NCKAP5: variants seen among roughly 807,000 people sequenced by gnomAD.
NCKAP5 encodes the protein nck-associated protein 5.
NCKAP5 carries 92 observed loss-of-function variants against 167.0 expected under a neutral mutation model. The ratio of observed to expected loss-of-function variants is 0.55; its 90% CI spans 0.47 to 0.66. The LOEUF (loss-of-function observed/expected upper bound fraction) is 0.66. NCKAP5 is among the 30% of genes least tolerant of loss of function. The probability of loss-of-function intolerance (pLI) is 0.00; values close to 1 mark genes in which losing one functional copy is unlikely to be tolerated. For missense variants in NCKAP5, 2,378 were observed against 2,315.0 expected (o/e 1.03, Z -0.56); for synonymous variants, 891 against 877.4 (o/e 1.02, Z -0.27).
intron 3 of NCKAP5, among the ~76,000 whole-genome samples, chr2:133,474,808 T>G (rs79746895): frequency 0.045 from 6,808 of 151,964 alleles, 198 homozygotes; most frequent in Middle Eastern, 0.071. Flanking sequence ...GGGTTTTTTT[T>G]TTGTTGTTGT....
chr2:133,584,994 G>GAAGGAAGGAAGGAAGGA, the NCKAP5 span, among the ~76,000 whole-genome samples: 1 of 148,788 alleles, frequency 6.7e-6, no homozygotes, highest in Non-Finnish European at 1.5e-5. Flanking sequence ...AGGAAGGAAG[G>GAAGGAAGGAAGGAAGGA]AGGGAAAGAA....
At chr2:133,577,960 G>A in the NCKAP5 span, among the ~76,000 whole-genome samples, 1 of 152,274 alleles carries the variant, frequency 6.6e-6, no homozygotes. Context: ...AGACGACCCA[G>A]CTCCAGCACT....
intron 8 of NCKAP5, among the ~76,000 whole-genome samples, chr2:132,923,529 TG>T (rs537985941): frequency 2.6e-5 from 4 of 152,222 alleles, no homozygotes; most frequent in Non-Finnish European, 4.4e-5. Flanking sequence ...CATTTCTTAA[TG>T]GTACAGTTCT....
intron 5 of NCKAP5, among the ~76,000 whole-genome samples, chr2:133,142,469 T>C (rs2083037411): frequency 6.6e-6 from 1 of 152,120 alleles, no homozygotes; most frequent in Non-Finnish European, 1.5e-5. Context: ...TTTATGTGAG[T>C]GTCAGAAATT....
chr2:132,701,083 T>C (rs1204811664), intron 19 of NCKAP5, among the ~76,000 whole-genome samples: 5 of 151,756 alleles, frequency 3.3e-5, no homozygotes, highest in African/African-American at 1.2e-4. Flanking sequence ...GTATTACATA[T>C]ATAAATATAA....
chr2:133,459,976 T>C (rs2151228025), intron 3 of NCKAP5, among the ~76,000 whole-genome samples: 1 of 152,288 alleles, frequency 6.6e-6, no homozygotes, highest in East Asian at 1.9e-4. Flanking sequence ...TTCAAAGACT[T>C]ACGTGCAAAA....
chr2:133,216,936 G>A (rs1008971269), intron 4 of NCKAP5, among the ~76,000 whole-genome samples: 11 of 152,014 alleles, frequency 7.2e-5, no homozygotes, highest in Admixed American at 3.3e-4. Context: ...AAAAAACTTC[G>A]CAAAACATGT....
intron 3 of NCKAP5, among the ~76,000 whole-genome samples, chr2:133,429,503 T>C (rs890291037): frequency 2.0e-5 from 3 of 152,106 alleles, no homozygotes; most frequent in Non-Finnish European, 4.4e-5. Flanking sequence ...CAAGGTCTAC[T>C]GTTCCCAGCT....
chr2:133,009,071 A>C (rs1381403433), intron 6 of NCKAP5, among the ~76,000 whole-genome samples: 3 of 152,164 alleles, frequency 2.0e-5, no homozygotes, highest in Non-Finnish European at 4.4e-5. Flanking sequence ...GAACATTTGC[A>C]GGAAGACACT....
intron 8 of NCKAP5, among the ~76,000 whole-genome samples, chr2:132,943,208 T>C (rs1036427560): frequency 7.9e-5 from 12 of 152,352 alleles, no homozygotes; most frequent in African/African-American, 2.9e-4. Context: ...TTTCTCCCTA[T>C]CTTTCCATTC....
At chr2:132,884,439 G>C (rs1692049504) in intron 8 of NCKAP5, among the ~76,000 whole-genome samples, 1 of 152,158 alleles carries the variant, frequency 6.6e-6, no homozygotes, top group Non-Finnish European at 1.5e-5. Context: ...GGAAGAGCAG[G>C]CTCCGGTTCC....
At position 132,781,037 on chromosome 2, in the gene NCKAP5, T is replaced by C. The variant is rs74475083; in HGVS notation, c.5049+15A>G. The C allele has an allele frequency of 4.5e-4, 729 of 1,611,490 alleles. 3 individuals are homozygous for C. In the African/African-American group the frequency reaches 8.4e-3, roughly 19 times the overall value. ...CAGATTGTAGCACTTGATACCAGGA[T>C]GGTGGAGCACTTACCAGGGAGTCTT... On this transcript the variant is annotated intron_variant, in intron 15 of 19. Transcript: ENST00000409261.
intron 2 of NCKAP5, among the ~76,000 whole-genome samples, chr2:133,553,880 A>G (rs1300986852): frequency 6.6e-6 from 1 of 152,212 alleles, no homozygotes; most frequent in Admixed American, 6.5e-5. Flanking sequence ...AATAATACAC[A>G]TTTATTATCT....
chr2:133,127,815 T>C (rs1271961408), intron 6 of NCKAP5, among the ~76,000 whole-genome samples: 2 of 151,928 alleles, frequency 1.3e-5, no homozygotes, highest in Admixed American at 6.6e-5. Context: ...AAAGGGAGAG[T>C]TGCCATCAAA....
At position 132,673,071 on chromosome 2, in the gene NCKAP5, A is replaced by G. The variant is rs1683943296; in HGVS notation, c.*218T>C. 5 of 1,168,470 alleles carry G rather than the reference A, an allele frequency of 4.3e-6. No individual in the cohort carries two copies. The highest frequency in any genetic ancestry group is 3.4e-5 in the South Asian group (1 of 29,292). The allele number at this position is 1,168,470 out of a possible 1,614,324, so 72.4% of individuals were successfully genotyped here. A position where few individuals can be genotyped will look rare whatever the true frequency, so the allele number is the denominator to read the frequency against. On this transcript the variant is annotated 3_prime_UTR_variant, in exon 20 of 20. Transcript: ENST00000409261. ...CTGGCACAGGAAGAGAAGCTATCATATAAAGAATCACTCAAAGATTCCAAG... is the reference window on the plus strand; with the variant it reads ...CTGGCACAGGAAGAGAAGCTATCATGTAAAGAATCACTCAAAGATTCCAAG...
At chr2:133,037,177 A>G (rs2079066065) in intron 6 of NCKAP5, among the ~76,000 whole-genome samples, 2 of 152,310 alleles carry the variant, frequency 1.3e-5, no homozygotes, top group African/African-American at 4.8e-5. Context: ...ATAACATTCC[A>G]TGTTCATGGA....
intron 16 of NCKAP5, among the ~76,000 whole-genome samples, chr2:132,772,911 C>T (rs1183514407): frequency 6.6e-6 from 1 of 152,142 alleles, no homozygotes; most frequent in African/African-American, 2.4e-5. Flanking sequence ...GAGTAGGCAG[C>T]TAAAGATGCT....
At chr2:133,043,523 A>G (rs999883066) in intron 6 of NCKAP5, among the ~76,000 whole-genome samples, 1 of 152,146 alleles carries the variant, frequency 6.6e-6, no homozygotes, top group Admixed American at 6.6e-5. Flanking sequence ...TGATGAGCTA[A>G]AAAAAATTGC....
intron 19 of NCKAP5, among the ~76,000 whole-genome samples, chr2:132,716,658 C>G (rs1358749702): frequency 6.6e-6 from 1 of 152,016 alleles, no homozygotes; most frequent in East Asian, 1.9e-4. Context: ...CATCTCTTCC[C>G]TCAAAATGTC....
Sources: allele counts gnomAD v4.1 joint callset (sites outside exome capture counted in the v4.1 genomes callset), GRCh38; gene constraint gnomAD v4.1.1; transcripts MANE v1.5; gene names NCBI Gene and HGNC (gene_info 2026-07-23, HGNC 2026-07-21).